The following TMC3 variants were observed in gnomAD, a reference collection of about 807,000 sequenced individuals.
TMC3 encodes transmembrane channel like 3.
TMC3 carries 98 observed loss-of-function variants against 110.6 expected under a neutral mutation model. The observed-to-expected ratio is 0.89, with a 90% CI of 0.75 to 1.05. The LOEUF (loss-of-function observed/expected upper bound fraction) is 1.05, where lower values mean the gene tolerates loss of function less well. TMC3 is among the 50% of genes least tolerant of loss of function. TMC3 has a pLI of 0.00. For missense variants in TMC3, 1,319 were observed against 1,373.2 expected (o/e 0.96, Z 0.62); for synonymous variants, 489 against 513.1 (o/e 0.95, Z 0.63).
At position 81,372,687 on chromosome 15, in the gene TMC3, G is replaced by T; in HGVS notation, c.140C>A (p.Pro47Gln). The change falls in exon 2 of 22, where the codon CCG becomes CAG. Residue 47 changes from proline to glutamine, a missense_variant. Physicochemically the swap from Pro to Gln is moderately conservative, Grantham distance 76 (BLOSUM62 -1). Transcript: ENST00000359440. Reference sequence around the variant, plus strand: ...CTGTATATTCTGGAAGATTTGTTCCGGATCATTGCTGTCCCCTGTTTCATC... The same window carrying T: ...CTGTATATTCTGGAAGATTTGTTCCTGATCATTGCTGTCCCCTGTTTCATC... ...SADETGDSND[P>Q]EQIFQNIQFQ... The T allele has an allele frequency of 6.2e-7, 1 of 1,613,910 alleles. No individual in the cohort carries two copies. The highest frequency in any genetic ancestry group is 8.5e-7 in the Non-Finnish European group (1 of 1,179,860).
chr15:81,351,390 T>C (rs1210760004), intron 10 of TMC3, among the ~76,000 whole-genome samples: 1 of 149,892 alleles, frequency 6.7e-6, no homozygotes, highest in Non-Finnish European at 1.5e-5. Flanking sequence ...TCTCGCGCTG[T>C]TGCTCACACT....
At chr15:81,364,071 A>G (rs1225079789) in intron 3 of TMC3, among the ~76,000 whole-genome samples, 6 of 152,208 alleles carry the variant, frequency 3.9e-5, no homozygotes, top group Admixed American at 3.3e-4. Context: ...GATTAGTGGC[A>G]TTCAGAGTTC....
At chr15:81,360,954 A>G (rs1596092629) in intron 4 of TMC3, among the ~76,000 whole-genome samples, 1 of 149,494 alleles carries the variant, frequency 6.7e-6, no homozygotes, top group Non-Finnish European at 1.5e-5. Flanking sequence ...TTGTTTGTTT[A>G]GTTTATTACG....
chr15:81,368,059 C>G (rs930131654), intron 3 of TMC3, among the ~76,000 whole-genome samples, 194 bp downstream of exon 3: 1 of 152,248 alleles, frequency 6.6e-6, no homozygotes, highest in Non-Finnish European at 1.5e-5. Flanking sequence ...CTCAGCCTCC[C>G]AAGTAGCTGG....
At chr15:81,338,080 G>A (rs3922930) in intron 18 of TMC3, among the ~76,000 whole-genome samples, 156 bp from the exon 19 acceptor site, 59,373 of 151,962 alleles carry the variant, frequency 0.39, 15,055 homozygotes, top group African/African-American at 0.7. Context: ...GTATCAGCAA[G>A]TTCTCAAGCC....
intron 10 of TMC3, among the ~76,000 whole-genome samples, chr15:81,351,200 G>T (rs922192039): frequency 6.6e-6 from 1 of 152,160 alleles, no homozygotes; most frequent in African/African-American, 2.4e-5. Flanking sequence ...GAATAAAATT[G>T]CCAAGCCTTA....
chr15:81,347,774 C>G (rs1167467286), intron 11 of TMC3, among the ~76,000 whole-genome samples: 1 of 152,180 alleles, frequency 6.6e-6, no homozygotes, highest in East Asian at 1.9e-4. Context: ...ATAGCATTGC[C>G]TTTAGACCAA....
chr15:81,342,956 C>T (rs993963519), intron 15 of TMC3: 1 of 255,182 alleles, frequency 3.9e-6, no homozygotes, highest in African/African-American at 2.2e-5. Flanking sequence ...CTCCTGAAGT[C>T]CTCACGAGGG....
intron 21 of TMC3, 72 bp downstream of exon 21, chr15:81,334,648 C>T: frequency 6.6e-7 from 1 of 1,524,602 alleles, no homozygotes; most frequent in Non-Finnish European, 8.8e-7. Flanking sequence ...ATGGCCTTGG[C>T]CTCCTGAAGC....
At position 81,374,195 on chromosome 15, in the gene TMC3, C is replaced by G; in HGVS notation, c.-118G>C. On this transcript the variant is annotated 5_prime_UTR_variant, in exon 1 of 22. Transcript: ENST00000359440. ...GCGGAGTTTGCTCTGCCCGCTAGTT[C>G]TCAGGAAGAAGACTGTGTGCTTGCA... The G allele has an allele frequency of 3.7e-6, 3 of 803,424 alleles. No homozygotes were observed. The South Asian group carries it at 4.6e-5, about 12-fold the overall frequency. The allele number at this position is 803,424 out of a possible 1,614,324, so 49.8% of individuals were successfully genotyped here. A position where few individuals can be genotyped will look rare whatever the true frequency, so the allele number is the denominator to read the frequency against.
chr15:81,334,824 C>T lies in TMC3; in HGVS notation c.2355G>A (p.Glu785=). The change falls in exon 21 of 22, where the codon GAG becomes GAA. Residue 785 remains glutamate (E), a synonymous_variant. Coordinates refer to ENST00000359440, the MANE Select transcript of TMC3 (RefSeq NM_001080532.3). ...DSGSSKSGRI[E]TVAQSMPQSP... ...TCTGGGGCATGGACTGTGCGACTGT[C>T]TCTATCCTGCCACTCTTGCTGCTCC... The T allele has an allele frequency of 6.2e-7, 1 of 1,614,026 alleles. No homozygotes were observed. The highest frequency in any genetic ancestry group is 8.5e-7 in the Non-Finnish European group (1 of 1,179,890).
At chr15:81,351,903 A>C in intron 9 of TMC3, 62 bp from the exon 10 acceptor site, 1 of 1,570,824 alleles carries the variant, frequency 6.4e-7, no homozygotes, top group Non-Finnish European at 8.7e-7. Flanking sequence ...CCACGATGCA[A>C]AGACAACACT....
At chr15:81,373,656 T>C (rs759692766) in intron 1 of TMC3, among the ~76,000 whole-genome samples, 30 of 152,178 alleles carry the variant, frequency 2.0e-4, no homozygotes, top group Non-Finnish European at 4.0e-4. Flanking sequence ...GATAGACATA[T>C]TATCTGCTCT....
At chr15:81,349,322 G>T in intron 11 of TMC3, 136 bp downstream of exon 11, 4 of 439,392 alleles carry the variant, frequency 9.1e-6, no homozygotes, top group Non-Finnish European at 7.9e-6. Flanking sequence ...TTCTTGAGTT[G>T]CATCCATAGG....
chr15:81,356,359 G>A (rs1894060496), intron 8 of TMC3, 88 bp downstream of exon 8: 5 of 1,405,314 alleles, frequency 3.6e-6, no homozygotes, highest in Admixed American at 2.4e-5. Flanking sequence ...ATGGGAAGAG[G>A]ATGGTTCTGG....
Position 81,356,927 on chromosome 15 carries a change from G to A in TMC3, c.744-333C>T, listed in dbSNP as rs188666162. ...CTCATCTCTTTGCAGCTGTGATTGT[G>A]AAATAAAATTTTCCTTTGAATCAGT... On this transcript the variant is annotated intron_variant, in intron 7 of 21. Transcript: ENST00000359440. Among the ~76,000 whole-genome samples, 257 of 152,328 alleles carry A rather than the reference G, an allele frequency of 1.7e-3. 3 individuals carry two copies. The highest frequency in any genetic ancestry group is 6.0e-3 in the African/African-American group (249 of 41,570).
chr15:81,345,753 C>A (rs1051651586), intron 12 of TMC3, among the ~76,000 whole-genome samples: 2 of 152,048 alleles, frequency 1.3e-5, no homozygotes, highest in South Asian at 4.1e-4. Flanking sequence ...GCACGCAGCT[C>A]TAGTCCCAGC....
chr15:81,368,293 C>G lies in TMC3; in HGVS notation c.272G>C (p.Arg91Thr). Reference sequence around the variant, plus strand: ...TTGGTAGCCTCGGGTCCTGGTCAGCCTCCCTTCAAACTTCAGCACAATGTT... The same window carrying G: ...TTGGTAGCCTCGGGTCCTGGTCAGCGTCCCTTCAAACTTCAGCACAATGTT... ...AKNIVLKFEGRLTRTRGYQAA... is the reference protein window; with the variant it reads ...AKNIVLKFEGTLTRTRGYQAA... The change falls in exon 3 of 22, where the codon AGG becomes ACG. Residue 91 changes from arginine (R) to threonine (T), a missense_variant. Arg to Thr is a moderately conservative substitution (Grantham distance 71). Coordinates refer to ENST00000359440, the MANE Select transcript of TMC3 (RefSeq NM_001080532.3). 6.2e-7 allele frequency: 1 copy of G among 1,613,678 alleles called. No homozygotes were observed. The highest frequency in any genetic ancestry group is 8.5e-7 in the Non-Finnish European group (1 of 1,179,726).
chr15:81,349,959 CAAA>C (rs59272742), intron 10 of TMC3, among the ~76,000 whole-genome samples: 4 of 107,812 alleles, frequency 3.7e-5, no homozygotes, highest in Non-Finnish European at 4.0e-5. Flanking sequence ...CCCATCTCTA[CAAA>C]AAAAAAAAAA....
Sources: allele counts gnomAD v4.1 joint callset (sites outside exome capture counted in the v4.1 genomes callset), GRCh38; gene constraint gnomAD v4.1.1; transcripts MANE v1.5; gene names NCBI Gene and HGNC (gene_info 2026-07-23, HGNC 2026-07-21).